Variants in PTER observed in about 807,000 individuals in gnomAD.
PTER encodes phosphotriesterase related.
A neutral mutation model predicts 29.6 loss-of-function variants in PTER; 38 were observed. That is an observed-to-expected ratio of 1.28 (90% CI 0.99 to 1.68). The LOEUF (loss-of-function observed/expected upper bound fraction) is 1.68, where lower values mean the gene tolerates loss of function less well. Ranked by LOEUF, PTER falls within the 40% of genes most tolerant of loss-of-function variation. PTER has a pLI of 0.00. For synonymous variants in PTER, 172 were observed against 154.5 expected, an observed-to-expected ratio of 1.11 and a Z score of -0.84; for missense variants, 482 against 427.8, an observed-to-expected ratio of 1.13 and a Z score of -1.12.
intron 1 of PTER, among the ~76,000 whole-genome samples, chr10:16,450,574 G>C (rs1403804039): frequency 6.6e-6 from 1 of 152,206 alleles, no homozygotes; most frequent in Non-Finnish European, 1.5e-5. Flanking sequence ...ATGAGACTGA[G>C]CATCCACCTT....
chr10:16,516,292 G>A (rs968679980), downstream of PTER, among the ~76,000 whole-genome samples: 1 of 152,102 alleles, frequency 6.6e-6, no homozygotes, highest in Non-Finnish European at 1.5e-5. Context: ...AAATAATGAC[G>A]CAGTTTGACT....
intron 1 of PTER, among the ~76,000 whole-genome samples, chr10:16,475,261 G>A (rs1239428902): frequency 6.6e-6 from 1 of 152,114 alleles, no homozygotes; most frequent in South Asian, 2.1e-4. Flanking sequence ...CTGTGGGTTG[G>A]TCAGATTCTG....
At chr10:16,463,924 A>T (rs1834716972) in intron 1 of PTER, among the ~76,000 whole-genome samples, 1 of 152,176 alleles carries the variant, frequency 6.6e-6, no homozygotes, top group Non-Finnish European at 1.5e-5. Flanking sequence ...CCATTTCCTC[A>T]TTGGTGAAAT....
chr10:16,470,851 A>C (rs1419612594), intron 1 of PTER, among the ~76,000 whole-genome samples: 2 of 152,134 alleles, frequency 1.3e-5, no homozygotes, highest in Non-Finnish European at 2.9e-5. Flanking sequence ...GTTTATCTTT[A>C]CTTACAATTT....
At chr10:16,500,132 T>C (rs550362983) in intron 3 of PTER, among the ~76,000 whole-genome samples, 3 of 152,262 alleles carry the variant, frequency 2.0e-5, no homozygotes, top group South Asian at 4.1e-4. Context: ...CGTGTGATCA[T>C]GAAATTTTTA....
chr10:16,470,956 A>G (rs1022091371), intron 1 of PTER, among the ~76,000 whole-genome samples: 2 of 151,874 alleles, frequency 1.3e-5, no homozygotes, highest in African/African-American at 4.8e-5. Context: ...CCCCGCCTCC[A>G]TTTCCGCTGC....
chr10:16,449,347 C>T (rs1834123530), intron 1 of PTER, among the ~76,000 whole-genome samples: 1 of 151,324 alleles, frequency 6.6e-6, no homozygotes, highest in Non-Finnish European at 1.5e-5. Context: ...ACTGGACCCA[C>T]TGTATTTCAG....
At chr10:16,496,707 C>G (rs1836116108) in intron 3 of PTER, among the ~76,000 whole-genome samples, 1 of 152,150 alleles carries the variant, frequency 6.6e-6, no homozygotes, top group African/African-American at 2.4e-5. Context: ...ACAGTAGATA[C>G]TGAAATTCTT....
At chr10:16,477,366 G>C (rs537955190) in intron 1 of PTER, among the ~76,000 whole-genome samples, 5 of 151,450 alleles carry the variant, frequency 3.3e-5, no homozygotes, top group Non-Finnish European at 5.9e-5. Flanking sequence ...TTTTAGAGAT[G>C]GGGTTTCACC....
chr10:16,494,953 A>G (rs1027606018), intron 3 of PTER, among the ~76,000 whole-genome samples: 1 of 151,736 alleles, frequency 6.6e-6, no homozygotes, highest in Admixed American at 6.6e-5. Flanking sequence ...CAATCACTCA[A>G]TTATAGTAAT....
rs1009737968 is a variant in PTER at position 16,486,735 on chromosome 10, A to G, written c.698+118A>G. On this transcript the variant is annotated intron_variant, in intron 3 of 4. Coordinates refer to ENST00000535784, the MANE Select transcript of PTER (RefSeq NM_001261836.2). ...AATCACGCAGAGAAAACCACTAACT[A>G]TATGGAAGGTAGTATTTATAAAGTT... The G allele has an allele frequency of 9.7e-6, 11 of 1,137,594 alleles. No individual in the cohort carries two copies. The African/African-American group carries it at 1.7e-4, about 18-fold the overall frequency. The allele number at this position is 1,137,594 out of a possible 1,614,324, so 70.5% of individuals were successfully genotyped here. A position where few individuals can be genotyped will look rare whatever the true frequency, so the allele number is the denominator to read the frequency against.
At chr10:16,485,810 G>T (rs1263223939) in intron 2 of PTER, among the ~76,000 whole-genome samples, 1 of 152,104 alleles carries the variant, frequency 6.6e-6, no homozygotes, top group Non-Finnish European at 1.5e-5. Flanking sequence ...AGCATTTCTT[G>T]ATGCCTTGTG....
At chr10:16,510,357 C>T (rs145588318) in intron 4 of PTER, among the ~76,000 whole-genome samples, 159 of 152,296 alleles carry the variant, frequency 1.0e-3, no homozygotes, top group African/African-American at 3.8e-3. Context: ...TTTTAGCAAT[C>T]TTGCTGACAT....
chr10:16,508,502 C>T (rs1836682168), intron 4 of PTER, among the ~76,000 whole-genome samples: 1 of 152,060 alleles, frequency 6.6e-6, no homozygotes, highest in Non-Finnish European at 1.5e-5. Flanking sequence ...CCCAGACCTT[C>T]TAGAACAAGA....
intron 1 of PTER, among the ~76,000 whole-genome samples, chr10:16,455,983 G>A (rs1834381145): frequency 6.6e-6 from 1 of 152,068 alleles, no homozygotes; most frequent in Admixed American, 6.6e-5. Flanking sequence ...GTAATTCTGA[G>A]TTCTCCCAGG....
intron 1 of PTER, among the ~76,000 whole-genome samples, chr10:16,457,195 G>C (rs1834433519): frequency 6.7e-6 from 1 of 148,562 alleles, no homozygotes. Context: ...CCCTTTAGTT[G>C]TTTTGTTTGT....
chr10:16,437,928 A>C (rs150477944), intron 1 of PTER, among the ~76,000 whole-genome samples: 5 of 152,320 alleles, frequency 3.3e-5, no homozygotes, highest in African/African-American at 1.2e-4. Context: ...GGGGTTGCTG[A>C]TTTAAAGAAC....
intron 4 of PTER, among the ~76,000 whole-genome samples, chr10:16,508,064 C>CTTTTTCTTTTTTTTTTTTTTT (rs1272298194): frequency 7.8e-6 from 1 of 128,152 alleles, no homozygotes; most frequent in Non-Finnish European, 1.6e-5. Flanking sequence ...TTCTTTTTTT[C>CTTTTTCTTTTTTTTTTTTTTT]TTTTTCTTTT....
intron 1 of PTER, among the ~76,000 whole-genome samples, chr10:16,448,159 G>T (rs1160811318): frequency 6.6e-6 from 1 of 152,254 alleles, no homozygotes; most frequent in Non-Finnish European, 1.5e-5. Flanking sequence ...AAGATGGCAG[G>T]GCCTTGCTCC....
Sources: allele counts gnomAD v4.1 joint callset (sites outside exome capture counted in the v4.1 genomes callset), GRCh38; gene constraint gnomAD v4.1.1; transcripts MANE v1.5; gene names NCBI Gene and HGNC (gene_info 2026-07-23, HGNC 2026-07-21).